The following ARHGAP24 variants were observed in gnomAD, a reference collection of about 807,000 sequenced individuals.
ARHGAP24 encodes rho GTPase-activating protein 24.
Under a neutral mutation model 76.4 loss-of-function variants are expected in ARHGAP24, and 50 were observed. That is an observed-to-expected ratio of 0.65 (90% CI 0.52 to 0.83). The LOEUF (loss-of-function observed/expected upper bound fraction) is 0.83. Among genes scored for constraint, ARHGAP24 ranks in the 40% least tolerant of loss-of-function variants. The pLI is 0.00. For missense variants in ARHGAP24, 930 were observed against 914.2 expected (o/e 1.02, Z -0.22); for synonymous variants, 345 against 323.3 (o/e 1.07, Z -0.72).
chr4:85,841,181 T>G (rs1730579378), intron 3 of ARHGAP24, among the ~76,000 whole-genome samples: 1 of 152,242 alleles, frequency 6.6e-6, no homozygotes, highest in Non-Finnish European at 1.5e-5. Flanking sequence ...TTTTGTTTAC[T>G]TATTGGGCAT....
At chr4:85,724,169 A>G (rs1312247667) in intron 3 of ARHGAP24, among the ~76,000 whole-genome samples, 1 of 152,190 alleles carries the variant, frequency 6.6e-6, no homozygotes, top group Non-Finnish European at 1.5e-5. Flanking sequence ...TATTTATTCT[A>G]GATTGGCTTT....
At chr4:85,587,839 C>G (rs1727923370) in intron 2 of ARHGAP24, among the ~76,000 whole-genome samples, 1 of 152,124 alleles carries the variant, frequency 6.6e-6, no homozygotes, top group Admixed American at 6.6e-5. Context: ...CAAGTCACTG[C>G]TCTTGTGAAG....
chr4:85,908,080 A>G (rs1262502686), intron 3 of ARHGAP24, among the ~76,000 whole-genome samples: 3 of 152,196 alleles, frequency 2.0e-5, no homozygotes, highest in East Asian at 3.9e-4. Flanking sequence ...CTTCAAGCAC[A>G]CTAATCCTCA....
intron 2 of ARHGAP24, among the ~76,000 whole-genome samples, chr4:85,637,338 A>G (rs1721343714): frequency 6.6e-6 from 1 of 152,114 alleles, no homozygotes; most frequent in South Asian, 2.1e-4. Context: ...TGGTCTCTAT[A>G]ATCCCAAATT....
chr4:85,817,548 A>C (rs893364331), intron 3 of ARHGAP24, among the ~76,000 whole-genome samples: 2 of 152,210 alleles, frequency 1.3e-5, no homozygotes, highest in African/African-American at 4.8e-5. Flanking sequence ...GGAAGACATC[A>C]TACAATTTGT....
At chr4:85,705,544 G>T (rs1375167383) in intron 2 of ARHGAP24, among the ~76,000 whole-genome samples, 1 of 152,196 alleles carries the variant, frequency 6.6e-6, no homozygotes, top group Non-Finnish European at 1.5e-5. Context: ...CCATTATGTA[G>T]ATAGGGAAGG....
intron 3 of ARHGAP24, among the ~76,000 whole-genome samples, chr4:85,899,626 C>T (rs1734383789): frequency 6.6e-6 from 1 of 152,172 alleles, no homozygotes; most frequent in South Asian, 2.1e-4. Flanking sequence ...ATCATCTGGT[C>T]AACTCCCAAG....
At chr4:85,531,794 T>C (rs754666808) in intron 1 of ARHGAP24, among the ~76,000 whole-genome samples, 2 of 152,114 alleles carry the variant, frequency 1.3e-5, no homozygotes, top group African/African-American at 4.8e-5. Context: ...ATCACTTATA[T>C]AAGCTAAGAA....
In ARHGAP24 at chr4:85,515,530, AAGT is replaced by A. The variant is rs1406413595; in HGVS notation, c.-21+39974_-21+39976del. On this transcript the variant is annotated intron_variant, in intron 1 of 9. Transcript: ENST00000395184. ...TTCTTATTCTTTTTTATTACACAAA[AAGT>A]AGGATGTTATACACACTCAGCTGTC... Among the ~76,000 whole-genome samples the A allele has an allele frequency of 2.6e-4, 40 of 151,780 alleles. 1 individual carries two copies. The highest frequency in any genetic ancestry group is 2.6e-3 in the Admixed American group (39 of 15,242).
chr4:85,917,133 A>C (rs985799796), intron 3 of ARHGAP24, among the ~76,000 whole-genome samples: 2 of 152,084 alleles, frequency 1.3e-5, no homozygotes, highest in Admixed American at 6.5e-5. Context: ...TCATTGTTCA[A>C]TTCCCACCTA....
At chr4:85,958,118 C>T (rs1738029140) in intron 5 of ARHGAP24, among the ~76,000 whole-genome samples, 1 of 152,112 alleles carries the variant, frequency 6.6e-6, no homozygotes, top group Non-Finnish European at 1.5e-5. Flanking sequence ...TTCAGGCTTC[C>T]ATGACAGAAA....
chr4:85,977,528 T>C (rs1739410891), intron 7 of ARHGAP24, 42 bp from the exon 8 acceptor site: 2 of 1,605,742 alleles, frequency 1.2e-6, no homozygotes, highest in Non-Finnish European at 1.7e-6. Context: ...CACTGGCAAA[T>C]TTGATCCCAT....
intron 3 of ARHGAP24, among the ~76,000 whole-genome samples, chr4:85,758,178 G>C (rs775185512): frequency 6.6e-6 from 1 of 152,156 alleles, no homozygotes. Flanking sequence ...TGAAATAAAA[G>C]ACAAATATAA....
intron 3 of ARHGAP24, among the ~76,000 whole-genome samples, chr4:85,836,496 C>T (rs1464847662): frequency 1.3e-5 from 2 of 152,190 alleles, no homozygotes; most frequent in African/African-American, 2.4e-5. Flanking sequence ...TGTTTCTCAA[C>T]ATCACCTTCC....
chr4:85,482,539 G>A (rs1327759519), intron 1 of ARHGAP24, among the ~76,000 whole-genome samples: 1 of 152,130 alleles, frequency 6.6e-6, no homozygotes, highest in Non-Finnish European at 1.5e-5. Flanking sequence ...GGATGAAAGG[G>A]GGAGGGGCAG....
chr4:85,494,827 G>A (rs570523765), intron 1 of ARHGAP24, among the ~76,000 whole-genome samples: 20 of 151,786 alleles, frequency 1.3e-4, no homozygotes, highest in East Asian at 7.8e-4. Context: ...GGCCGGGCGC[G>A]ATGGCTCACG....
At chr4:85,848,706 C>G (rs987779000) in intron 3 of ARHGAP24, among the ~76,000 whole-genome samples, 7 of 152,180 alleles carry the variant, frequency 4.6e-5, no homozygotes, top group Non-Finnish European at 1.0e-4. Flanking sequence ...AATAGGGAAT[C>G]TTTTCCCCAT....
In ARHGAP24 at chr4:85,994,574, C is replaced by T; in HGVS notation, c.929-9C>T. 1 of 1,613,320 alleles carries T rather than the reference C, an allele frequency of 6.2e-7. No homozygotes were observed. Among genetic ancestry groups the T allele is most frequent in the Non-Finnish European group, 8.5e-7 (1 of 1,179,326 alleles). ...CACTCATGCTACTTTATGTTCTATG[C>T]AATTCTAGGCACTGTGGTGGTCCAG... On this transcript the variant is annotated splice_polypyrimidine_tract_variant and intron_variant, in intron 8 of 9. Coordinates refer to ENST00000395184, the MANE Select transcript of ARHGAP24 (RefSeq NM_001025616.3).
At chr4:85,715,443 T>C (rs1018487893) in intron 2 of ARHGAP24, among the ~76,000 whole-genome samples, 2 of 152,088 alleles carry the variant, frequency 1.3e-5, no homozygotes, top group Non-Finnish European at 2.9e-5. Context: ...CAGGCACTTT[T>C]GTACAAACTT....
Sources: allele counts gnomAD v4.1 joint callset (sites outside exome capture counted in the v4.1 genomes callset), GRCh38; gene constraint gnomAD v4.1.1; transcripts MANE v1.5; gene names NCBI Gene and HGNC (gene_info 2026-07-23, HGNC 2026-07-21).